The following TPO variants were observed in gnomAD, a reference collection of about 807,000 sequenced individuals.
The protein encoded by TPO is thyroid microsomal antigen.
Under a neutral mutation model 96.9 loss-of-function variants are expected in TPO, and 78 were observed. The observed-to-expected ratio is 0.81, with a 90% CI of 0.67 to 0.97. The LOEUF (loss-of-function observed/expected upper bound fraction) is 0.97. Ranked by LOEUF, TPO falls within the 50% of genes least tolerant of loss-of-function variation. The pLI, the probability that TPO is intolerant of heterozygous loss-of-function variation, is 0.00. For synonymous variants in TPO, 547 were observed against 538.0 expected, an observed-to-expected ratio of 1.02 and a Z score of -0.23; for missense variants, 1,252 against 1,274.8, an observed-to-expected ratio of 0.98 and a Z score of 0.27.
intron 15 of TPO, among the ~76,000 whole-genome samples, chr2:1,539,993 T>C (rs2125348016): frequency 6.6e-6 from 1 of 152,286 alleles, no homozygotes; most frequent in Middle Eastern, 3.4e-3. Flanking sequence ...CCACAGTATT[T>C]GTGATGTATT....
intron 5 of TPO, among the ~76,000 whole-genome samples, chr2:1,442,968 G>A (rs939204185): frequency 6.6e-6 from 1 of 152,202 alleles, no homozygotes; most frequent in Non-Finnish European, 1.5e-5. Flanking sequence ...GGGCACTTTG[G>A]CTCACGCCTG....
At position 1,374,894 on chromosome 2, in the gene TPO, A is replaced by AT. The variant is rs531932411; in HGVS notation, n.180+500dup. Among the ~76,000 whole-genome samples the AT allele has an allele frequency of 2.5e-4, 37 of 150,254 alleles. No homozygotes were observed. The East Asian group carries it at 4.5e-3, about 18-fold the overall frequency. On this transcript the variant is annotated intron_variant and non_coding_transcript_variant, in intron 1 of 5. Transcript: ENST00000497517. The stretch of plus-strand genomic sequence containing the variant: ...GGCACCCGCCACCACGCCCAGCTAA[A>AT]TTTTTTTTGTATTTTTAGTAGAGAC...
rs1176542915 is a variant in TPO, at chr2:1,530,622, C to A, written c.2619-9972C>A. Among the ~76,000 whole-genome samples, 3 of 7,216 alleles carry A rather than the reference C, an allele frequency of 4.2e-4. 1 individual carries two copies. Among genetic ancestry groups the A allele is most frequent in the Non-Finnish European group, 7.3e-4 (3 of 4,124 alleles). 4.7% of individuals were successfully genotyped at this position (7,216 alleles called of 152,430 possible). ...ATCCCCCACACTCTGTGCAACCTCC[C>A]CAACTCCCCGACTCTCTGCAACCTC... is the stretch of plus-strand genomic sequence containing the variant. On this transcript the variant is annotated intron_variant, in intron 15 of 16. Coordinates refer to ENST00000329066, the MANE Select transcript of TPO (RefSeq NM_001206744.2).
chr2:1,378,921 C>T (rs1661763746), intron 1 of TPO, among the ~76,000 whole-genome samples: 1 of 152,194 alleles, frequency 6.6e-6, no homozygotes, highest in African/African-American at 2.4e-5. Context: ...AGGCGGCTCA[C>T]TGAACCCTGG....
At chr2:1,528,105 C>A (rs1224185400) in intron 15 of TPO, among the ~76,000 whole-genome samples, 1 of 139,342 alleles carries the variant, frequency 7.2e-6, no homozygotes, top group Non-Finnish European at 1.5e-5. Context: ...AGCACAAATC[C>A]CCCACTGTGT....
chr2:1,494,334 G>T (rs1020324440), intron 11 of TPO, among the ~76,000 whole-genome samples: 1 of 152,216 alleles, frequency 6.6e-6, no homozygotes, highest in South Asian at 2.1e-4. Context: ...TGACACAATC[G>T]TGACAGCCCG....
Position 1,493,797 on chromosome 2 carries a change from T to C in TPO, c.1769-5T>C. ...GAGAAACCCTGCAGCCTCTCCCCTG[T>C]GCAGGTTACAATGAGTGGAGGGAGT... On this transcript the variant is annotated splice_region_variant and splice_polypyrimidine_tract_variant and intron_variant, in intron 10 of 16. Transcript: ENST00000329066. 2 of 1,614,072 alleles carry C rather than the reference T, an allele frequency of 1.2e-6. No individual in the cohort carries two copies. Among genetic ancestry groups the C allele is most frequent in the South Asian group, 1.1e-5 (1 of 91,058 alleles).
chr2:1,471,430 T>C (rs1047273015), intron 7 of TPO, among the ~76,000 whole-genome samples: 3 of 150,828 alleles, frequency 2.0e-5, no homozygotes, highest in African/African-American at 7.4e-5. Context: ...AGACTATGTA[T>C]TTTCCTGTGA....
intron 4 of TPO, among the ~76,000 whole-genome samples, chr2:1,433,973 A>G (rs1665297515): frequency 6.6e-6 from 1 of 152,188 alleles, no homozygotes; most frequent in Admixed American, 6.5e-5. Context: ...AAAGGACTTC[A>G]TGTGTGAGGC....
intron 1 of TPO, among the ~76,000 whole-genome samples, chr2:1,393,726 T>C (rs894798699): frequency 6.6e-6 from 1 of 152,238 alleles, no homozygotes; most frequent in African/African-American, 2.4e-5. Context: ...GAAATGTCAA[T>C]ACTTTATCCA....
intron 8 of TPO, among the ~76,000 whole-genome samples, chr2:1,482,190 G>A (rs187041183): frequency 6.3e-4 from 96 of 152,326 alleles, no homozygotes; most frequent in African/African-American, 2.1e-3. Context: ...TCCCACCGTC[G>A]GTGACAAGGA....
chr2:1,479,660 T>A (rs1487823018), intron 8 of TPO, among the ~76,000 whole-genome samples: 1 of 152,208 alleles, frequency 6.6e-6, no homozygotes, highest in African/African-American at 2.4e-5. Context: ...TTAGAGACAG[T>A]TTAATTCCAA....
At chr2:1,536,804 A>T (rs1357047150) in intron 15 of TPO, among the ~76,000 whole-genome samples, 2 of 82,330 alleles carry the variant, frequency 2.4e-5, no homozygotes, top group African/African-American at 4.8e-5. Context: ...AATCTGTGCA[A>T]CCTCCCCAAA....
chr2:1,490,146 C>G (rs866783678), intron 10 of TPO, among the ~76,000 whole-genome samples: 26 of 28,888 alleles, frequency 9.0e-4, no homozygotes, highest in South Asian at 4.9e-3. Flanking sequence ...AGTCACGACA[C>G]AGCAGTGTAA....
chr2:1,385,224 A>T (rs1661872151), intron 1 of TPO, among the ~76,000 whole-genome samples: 1 of 152,168 alleles, frequency 6.6e-6, no homozygotes, highest in Admixed American at 6.5e-5. Context: ...CTGGCCTCAT[A>T]AAATGAGTTA....
intron 7 of TPO, among the ~76,000 whole-genome samples, chr2:1,475,625 G>A (rs576303916): frequency 2.0e-5 from 3 of 151,986 alleles, no homozygotes; most frequent in Non-Finnish European, 2.9e-5. Context: ...GGGTTTCACT[G>A]TGTTAGCCAG....
chr2:1,466,029 T>C (rs575847145), intron 7 of TPO, among the ~76,000 whole-genome samples: 5 of 152,334 alleles, frequency 3.3e-5, no homozygotes, highest in Admixed American at 6.5e-5. Context: ...GGCTGTGGGT[T>C]TGTCATAGAT....
chr2:1,390,516 A>G (rs556040974), intron 1 of TPO, among the ~76,000 whole-genome samples: 149 of 152,344 alleles, frequency 9.8e-4, no homozygotes, highest in African/African-American at 3.4e-3. Flanking sequence ...TTACAGTAGC[A>G]TGATTTATAA....
At chr2:1,426,579 C>T (rs1664430418) in intron 3 of TPO, among the ~76,000 whole-genome samples, 3 of 152,136 alleles carry the variant, frequency 2.0e-5, no homozygotes, top group Admixed American at 1.3e-4. Flanking sequence ...TTCATATTCT[C>T]AGAAGTCCAT....
Sources: allele counts gnomAD v4.1 joint callset (sites outside exome capture counted in the v4.1 genomes callset), GRCh38; gene constraint gnomAD v4.1.1; transcripts MANE v1.5; gene names NCBI Gene and HGNC (gene_info 2026-07-23, HGNC 2026-07-21).